STK31: variants seen among roughly 807,000 people sequenced by gnomAD.
STK31 encodes the protein serine/threonine kinase 31, also known as serine/threonine-protein kinase 31.
A neutral mutation model predicts 129.7 loss-of-function variants in STK31; 89 were observed. That is an observed-to-expected ratio of 0.69 (90% CI 0.58 to 0.82). The LOEUF (loss-of-function observed/expected upper bound fraction) is 0.82. STK31 is among the 40% of genes least tolerant of loss of function. STK31 has a pLI of 0.00. For synonymous variants in STK31, 448 were observed against 395.3 expected, an observed-to-expected ratio of 1.13 and a Z score of -1.58; for missense variants, 1,187 against 1,176.4, an observed-to-expected ratio of 1.01 and a Z score of -0.13.
chr7:23,747,493 C>T (rs1246559973), intron 8 of STK31, among the ~76,000 whole-genome samples: 1 of 152,068 alleles, frequency 6.6e-6, no homozygotes, highest in Non-Finnish European at 1.5e-5. Flanking sequence ...CCTCAGCCTC[C>T]CAAGCAGCTG....
chr7:23,802,229 C>T (rs552090218), intron 22 of STK31, among the ~76,000 whole-genome samples: 5 of 152,182 alleles, frequency 3.3e-5, no homozygotes, highest in Admixed American at 6.5e-5. Flanking sequence ...TTGGTGTGGC[C>T]GCATTCCAGG....
intron 1 of STK31, chr7:23,710,899 G>A (rs748176737): frequency 5.7e-6 from 4 of 696,892 alleles, no homozygotes; most frequent in Non-Finnish European, 7.1e-6. Flanking sequence ...GGAATATATA[G>A]TCTCCCTAAA....
intron 15 of STK31, among the ~76,000 whole-genome samples, chr7:23,778,913 G>A (rs1360356553): frequency 2.0e-5 from 3 of 152,058 alleles, no homozygotes; most frequent in Non-Finnish European, 4.4e-5. Context: ...GAGAAAAGAT[G>A]TTCTGGTTTT....
chr7:23,811,906 A>T (rs562154128), intron 22 of STK31, among the ~76,000 whole-genome samples: 45 of 152,186 alleles, frequency 3.0e-4, no homozygotes, highest in African/African-American at 9.9e-4. Flanking sequence ...TATTCTCCCC[A>T]CTTTTAAATA....
chr7:23,768,860 T>C, intron 11 of STK31, 135 bp from the exon 12 acceptor site: 1 of 719,560 alleles, frequency 1.4e-6, no homozygotes, highest in Non-Finnish European at 2.1e-6. Flanking sequence ...TATCTGATGA[T>C]TCTAAGTTGT....
chr7:23,805,955 A>G (rs1177775104), intron 22 of STK31, among the ~76,000 whole-genome samples: 1 of 152,216 alleles, frequency 6.6e-6, no homozygotes, highest in African/African-American at 2.4e-5. Flanking sequence ...CAAAGTATAG[A>G]TATGAGAATT....
At chr7:23,739,049 C>T (rs541729672) in intron 8 of STK31, among the ~76,000 whole-genome samples, 1 of 152,300 alleles carries the variant, frequency 6.6e-6, no homozygotes, top group Non-Finnish European at 1.5e-5. Flanking sequence ...GAGGAATTGC[C>T]ACACTGTCTT....
intron 8 of STK31, among the ~76,000 whole-genome samples, chr7:23,737,496 A>G (rs146910544): frequency 6.6e-6 from 1 of 152,338 alleles, no homozygotes; most frequent in African/African-American, 2.4e-5. Flanking sequence ...AGTCTTCAGT[A>G]TGTATGACTA....
At chr7:23,804,289 T>C (rs1002466475) in intron 22 of STK31, among the ~76,000 whole-genome samples, 3 of 152,186 alleles carry the variant, frequency 2.0e-5, no homozygotes, top group Non-Finnish European at 4.4e-5. Context: ...GCTTTATTTT[T>C]CTGTTACCAT....
intron 6 of STK31, among the ~76,000 whole-genome samples, chr7:23,730,023 T>C (rs1787307913): frequency 6.6e-6 from 1 of 152,174 alleles, no homozygotes; most frequent in Non-Finnish European, 1.5e-5. Context: ...ATGTTTTGCT[T>C]ATGTGGATTC....
chr7:23,745,114 G>C (rs1788271412), intron 8 of STK31, among the ~76,000 whole-genome samples: 1 of 152,216 alleles, frequency 6.6e-6, no homozygotes, highest in Non-Finnish European at 1.5e-5. Flanking sequence ...CAGGCCCACA[G>C]GTAGCATGTG....
intron 23 of STK31, among the ~76,000 whole-genome samples, chr7:23,820,444 T>C (rs550567299): frequency 6.6e-6 from 1 of 152,244 alleles, no homozygotes; most frequent in Admixed American, 6.5e-5. Flanking sequence ...ATATGTGATA[T>C]TTTGTAACTT....
chr7:23,749,195 G>A (rs1042581834), intron 8 of STK31, among the ~76,000 whole-genome samples: 5 of 152,178 alleles, frequency 3.3e-5, no homozygotes, highest in African/African-American at 1.2e-4. Context: ...CCATTATGAT[G>A]CGTAGCATAT....
Position 23,729,075 on chromosome 7 carries a change from CTCT to C in STK31, c.325-14_325-12del. 1.3e-6 allele frequency: 2 copies of C among 1,579,186 alleles called. No homozygotes were observed. The highest frequency in any genetic ancestry group is 1.7e-6 in the Non-Finnish European group (2 of 1,168,150). ...ATCTGGGGTCAGTATTCGTATTTGT[CTCT>C]TATTTTTTCCAGTGTCTGGTGAGGT... On this transcript the variant is annotated splice_polypyrimidine_tract_variant and intron_variant, in intron 5 of 23. Transcript: ENST00000355870.
intron 9 of STK31, among the ~76,000 whole-genome samples, chr7:23,753,377 A>G (rs940773469): frequency 6.6e-6 from 1 of 151,702 alleles, no homozygotes; most frequent in Non-Finnish European, 1.5e-5. Flanking sequence ...GATGAGGGTG[A>G]GTGTGCCCTG....
rs1790056829 is a variant in STK31 at position 23,769,584 on chromosome 7, G to C, written c.1597-56G>C. The C allele has an allele frequency of 5.8e-6, 7 of 1,207,906 alleles. No homozygotes were observed. The South Asian group carries it at 6.5e-5, about 11-fold the overall frequency. 74.8% of individuals were successfully genotyped at this position (1,207,906 alleles called of 1,614,324 possible). A position where few individuals can be genotyped will look rare whatever the true frequency, so the allele number is the denominator to read the frequency against. On this transcript the variant is annotated intron_variant, in intron 12 of 23. Transcript: ENST00000355870. The stretch of plus-strand genomic sequence containing the variant: ...TACTCTGCTTCAGGTATTAAGGCAC[G>C]ATGAATGCTGATTGAATTAAATGAG...
intron 15 of STK31, 111 bp downstream of exon 15, chr7:23,772,389 A>G: frequency 1.8e-6 from 2 of 1,141,590 alleles, no homozygotes; most frequent in South Asian, 3.4e-5. Flanking sequence ...GAGCCATTAC[A>G]TTCACATTTT....
intron 1 of STK31, chr7:23,710,544 G>C (rs1785881681): frequency 7.0e-7 from 1 of 1,421,932 alleles, no homozygotes; most frequent in Admixed American, 2.8e-5. Flanking sequence ...AAGACCTCCG[G>C]CCTGAATGAT....
chr7:23,790,941 T>C lies in STK31; in HGVS notation c.2755T>C (p.Leu919=), dbSNP rs764830848. 2.2e-5 allele frequency: 34 copies of C among 1,559,940 alleles called. No individual in the cohort carries two copies. The highest frequency in any genetic ancestry group is 2.8e-5 in the Non-Finnish European group (33 of 1,159,556). ...SDLYAYGCLL[L]WLSVQNQEFE... is the part of the protein sequence containing the mutation. ...CTTATATGCTTATGGCTGCCTCTTA[T>C]TATGGGTATGTTATTTTTTTGTTGA... Residue 919 remains leucine (L), a synonymous_variant, in exon 22 of 24, where the codon TTA becomes CTA. Coordinates refer to ENST00000355870, the MANE Select transcript of STK31 (RefSeq NM_031414.5).
Sources: gnomAD v4.1 joint callset for allele counts (sites outside exome capture counted in the v4.1 genomes callset) on GRCh38, gnomAD v4.1.1 for gene constraint, MANE v1.5 for transcripts, NCBI Gene and HGNC (gene_info 2026-07-23, HGNC 2026-07-21) for gene names.